The following NID2 variants were observed in gnomAD, a reference collection of about 807,000 sequenced individuals.
NID2 encodes nidogen-2.
In NID2, 83 loss-of-function variants were observed where a neutral mutation model predicts 145.4. The ratio of observed to expected loss-of-function variants is 0.57; its 90% confidence interval spans 0.48 to 0.69. The LOEUF (loss-of-function observed/expected upper bound fraction) is 0.69. Among genes scored for constraint, NID2 ranks in the 30% least tolerant of loss-of-function variants. The probability of loss-of-function intolerance (pLI) is 0.00; values close to 1 mark genes in which losing one functional copy is unlikely to be tolerated. For synonymous variants in NID2, 739 were observed against 701.3 expected (o/e 1.05, Z -0.85); for missense variants, 1,807 against 1,765.7 (o/e 1.02, Z -0.42).
At chr14:52,035,194 A>G (rs1158470084) in intron 9 of NID2, among the ~76,000 whole-genome samples, 2 of 152,206 alleles carry the variant, frequency 1.3e-5, no homozygotes, top group Non-Finnish European at 2.9e-5. Context: ...CAAACGCATA[A>G]TGGCCTATAA....
chr14:52,018,803 A>G (rs1297659768), intron 14 of NID2, among the ~76,000 whole-genome samples: 1 of 152,228 alleles, frequency 6.6e-6, no homozygotes, highest in Non-Finnish European at 1.5e-5. Context: ...CTACATACAC[A>G]ATCTCAACTT....
At position 52,060,378 on chromosome 14, in the gene NID2, A is replaced by AAGAG. The variant is rs749643395; in HGVS notation, c.535-26_535-23dup. On this transcript the variant is annotated intron_variant, in intron 2 of 21. Coordinates refer to ENST00000216286, the MANE Select transcript of NID2 (RefSeq NM_007361.4). The stretch of plus-strand genomic sequence containing the variant: ...TCAGCTGTGAGGAAAAAAAAAAAAA[A>AAGAG]AGAGAGAGAGAGAGAGAGAAACATC... 1.5e-5 allele frequency: 12 copies of AAGAG among 806,282 alleles called. No homozygotes were observed. In the Middle Eastern group the frequency reaches 1.1e-3, roughly 74 times the overall value. The allele number at this position is 806,282 out of a possible 1,614,324, so 49.9% of individuals were successfully genotyped here. A position where few individuals can be genotyped will look rare whatever the true frequency, so the allele number is the denominator to read the frequency against.
At chr14:52,058,831 A>G (rs1892935930) in intron 3 of NID2, among the ~76,000 whole-genome samples, 1 of 151,940 alleles carries the variant, frequency 6.6e-6, no homozygotes, top group Non-Finnish European at 1.5e-5. Context: ...TCTCTATAAT[A>G]ATAAATCTAT....
At chr14:52,033,888 G>A (rs1240546829) in intron 9 of NID2, among the ~76,000 whole-genome samples, 1 of 152,134 alleles carries the variant, frequency 6.6e-6, no homozygotes, top group Admixed American at 6.5e-5. Flanking sequence ...GGGTAAGGGT[G>A]TGCGTACTGG....
chr14:52,042,497 A>G (rs912309356), intron 6 of NID2, 147 bp from the exon 7 acceptor site: 5 of 1,084,102 alleles, frequency 4.6e-6, no homozygotes, highest in Admixed American at 5.2e-5. Context: ...TTATCCATCT[A>G]TGAAACAGTC....
At position 52,041,333 on chromosome 14, in the gene NID2, A is replaced by T. The variant is rs995482794; in HGVS notation, c.1826-482T>A. On this transcript the variant is annotated intron_variant, in intron 7 of 21. Transcript: ENST00000216286. ...TATCCAGGTGTGCCATTTTTTATCT[A>T]CTTTTGACCCAAGGGCTTTATTCAA... Among the ~76,000 whole-genome samples, 4 of 152,176 alleles carry T rather than the reference A, an allele frequency of 2.6e-5. No homozygotes were observed. In the South Asian group the frequency reaches 8.3e-4, roughly 31 times the overall value.
At chr14:52,024,510 C>CACCAG (rs1269915689) in intron 12 of NID2, among the ~76,000 whole-genome samples, 1 of 152,182 alleles carries the variant, frequency 6.6e-6, no homozygotes, top group Non-Finnish European at 1.5e-5. Flanking sequence ...ACCACTGACC[C>CACCAG]ACCAGACACT....
In NID2 at chr14:52,042,294, G is replaced by T; in HGVS notation, c.1636C>A (p.Pro546Thr). The change falls in exon 7 of 22, where the codon CCC (proline) becomes ACC (threonine). Residue 546 changes from proline (P) to threonine (T), a missense_variant. Pro to Thr is a conservative substitution (Grantham distance 38). Transcript: ENST00000216286. ...VSGHLHVGHT[P>T]VHFTDVDLHA... ...AGGTCCACATCAGTGAAGTGCACGG[G>T]TGTATGGCCCACGTGGAGGTGGCCA... 6.2e-7 allele frequency: 1 copy of T among 1,614,066 alleles called. No individual in the cohort carries two copies. Among genetic ancestry groups the T allele is most frequent in the Non-Finnish European group, 8.5e-7 (1 of 1,179,896 alleles).
chr14:52,018,213 C>G (rs1382578626), intron 14 of NID2, among the ~76,000 whole-genome samples: 2 of 152,180 alleles, frequency 1.3e-5, no homozygotes, highest in Non-Finnish European at 2.9e-5. Flanking sequence ...TTTATGGAAC[C>G]CTTCTCAATA....
chr14:52,005,406 T>C lies in NID2; in HGVS notation c.*80A>G. On this transcript the variant is annotated 3_prime_UTR_variant, in exon 22 of 22. Transcript: ENST00000216286. ...GTCTAATGGCCAATTCCTTTTTTAC[T>C]TTCTTTGCCTTTGCAGTCACTGTTC... 7.3e-7 allele frequency: 1 copy of C among 1,372,524 alleles called. No individual in the cohort carries two copies. Among genetic ancestry groups the C allele is most frequent in the Non-Finnish European group, 9.7e-7 (1 of 1,027,792 alleles). 85.0% of individuals were successfully genotyped at this position (1,372,524 alleles called of 1,614,324 possible). A position where few individuals can be genotyped will look rare whatever the true frequency, so the allele number is the denominator to read the frequency against.
At chr14:52,055,054 C>T (rs111533789) in intron 3 of NID2, among the ~76,000 whole-genome samples, 1,782 of 152,296 alleles carry the variant, frequency 0.012, 19 homozygotes, top group African/African-American at 0.024. Flanking sequence ...CAAATGACTA[C>T]GACATACTTT....
At position 52,019,166 on chromosome 14, in the gene NID2, G is replaced by A. The variant is rs1891316252; in HGVS notation, c.2923C>T (p.His975Tyr). 6.2e-7 allele frequency: 1 copy of A among 1,614,044 alleles called. No homozygotes were observed. The highest frequency in any genetic ancestry group is 1.1e-5 in the South Asian group (1 of 91,080). Residue 975 changes from histidine (H) to tyrosine (Y), a missense_variant, in exon 14 of 22, where the codon CAT (histidine) becomes TAT (tyrosine). Coordinates refer to ENST00000216286, the MANE Select transcript of NID2 (RefSeq NM_007361.4). ...CACCAGCAGAAACCAGTGCTGCCAT[G>A]ACACTGTAGGGGCAGGAAGTTGCCC... ...EQGNFLPLQC[H>Y]GSTGFCWCVD...
At chr14:52,031,407 T>C (rs1181763725) in intron 9 of NID2, among the ~76,000 whole-genome samples, 1 of 152,220 alleles carries the variant, frequency 6.6e-6, no homozygotes, top group Non-Finnish European at 1.5e-5. Context: ...TCATCATTAT[T>C]TGAGGTTCTA....
intron 14 of NID2, among the ~76,000 whole-genome samples, chr14:52,016,012 T>A (rs1051949166): frequency 7.2e-5 from 11 of 152,206 alleles, no homozygotes; most frequent in Admixed American, 7.2e-4. Context: ...AATCTTTTCC[T>A]GCAGGCTCTA....
At chr14:52,018,807 T>A (rs1010564385) in intron 14 of NID2, among the ~76,000 whole-genome samples, 2 of 152,216 alleles carry the variant, frequency 1.3e-5, no homozygotes, top group African/African-American at 4.8e-5. Context: ...ATACACAATC[T>A]CAACTTTCAG....
intron 5 of NID2, 148 bp downstream of exon 5, chr14:52,053,431 A>C: frequency 3.5e-6 from 3 of 859,538 alleles, no homozygotes; most frequent in Non-Finnish European, 5.5e-6. Context: ...AATTTACTCT[A>C]TCTCTTGAAA....
intron 5 of NID2, 102 bp downstream of exon 5, chr14:52,053,477 G>C: frequency 1.6e-6 from 2 of 1,275,786 alleles, no homozygotes; most frequent in Non-Finnish European, 2.2e-6. Flanking sequence ...TCTTCTTTTT[G>C]CTAAACTTTT....
chr14:52,008,194 T>A (rs911277694), intron 18 of NID2: 5 of 427,590 alleles, frequency 1.2e-5, no homozygotes, highest in African/African-American at 1.0e-4. Context: ...GTTTCTGCCT[T>A]AGGGGCTCTC....
intron 11 of NID2, among the ~76,000 whole-genome samples, chr14:52,028,302 T>A (rs1891666257): frequency 6.7e-6 from 1 of 149,018 alleles, no homozygotes. Flanking sequence ...TGAGACAGAG[T>A]CTCACTCTAT....
Sources: allele counts gnomAD v4.1 joint callset (sites outside exome capture counted in the v4.1 genomes callset), GRCh38; gene constraint gnomAD v4.1.1; transcripts MANE v1.5; gene names NCBI Gene and HGNC (gene_info 2026-07-23, HGNC 2026-07-21).